TRPM3: variants seen among roughly 807,000 people sequenced by gnomAD.
The protein encoded by TRPM3 is transient receptor potential cation channel subfamily M member 3, also known as long transient receptor potential channel 3.
TRPM3 carries 77 observed loss-of-function variants against 181.2 expected under a neutral mutation model. The ratio of observed to expected loss-of-function variants is 0.42; its 90% CI spans 0.35 to 0.51. TRPM3 has a LOEUF of 0.51. Among genes scored for constraint, TRPM3 ranks in the 20% least tolerant of loss-of-function variants. The pLI is 0.01. For missense variants in TRPM3, 1,759 were observed against 2,196.7 expected, an observed-to-expected ratio of 0.80 and a Z score of 3.98; for synonymous variants, 745 against 796.4, an observed-to-expected ratio of 0.94 and a Z score of 1.09.
At chr9:71,167,699 G>A (rs1399551310) in intron 1 of TRPM3, among the ~76,000 whole-genome samples, 1 of 152,098 alleles carries the variant, frequency 6.6e-6, no homozygotes, top group African/African-American at 2.4e-5. Context: ...CCTTGCACAA[G>A]CTGATGAGAG....
intron 1 of TRPM3, among the ~76,000 whole-genome samples, chr9:70,980,631 G>T (rs4442205): frequency 0.67 from 102,069 of 151,954 alleles, 34,471 homozygotes; most frequent in South Asian, 0.73. Flanking sequence ...TCATTCTTCT[G>T]TACTCCTCCT....
At chr9:71,179,299 C>T (rs919242928) in intron 1 of TRPM3, among the ~76,000 whole-genome samples, 6 of 151,972 alleles carry the variant, frequency 3.9e-5, no homozygotes, top group South Asian at 2.1e-4. Flanking sequence ...ATTATTAAAA[C>T]GGGCAGGGAA....
intron 1 of TRPM3, among the ~76,000 whole-genome samples, chr9:70,972,022 C>T (rs1280120186): frequency 3.3e-5 from 5 of 152,180 alleles, no homozygotes; most frequent in Non-Finnish European, 7.4e-5. Context: ...CTTTGGAGAA[C>T]AGTCTAGCAG....
chr9:70,975,150 G>C (rs903522656), intron 1 of TRPM3, among the ~76,000 whole-genome samples: 7 of 152,054 alleles, frequency 4.6e-5, no homozygotes, highest in African/African-American at 1.4e-4. Flanking sequence ...TTTTAGGTGT[G>C]AGCCACCGCA....
At position 71,254,387 on chromosome 9, in the gene TRPM3, T is replaced by C. The variant is rs761767154; in HGVS notation, c.183+192266A>G. 1.9e-4 allele frequency among the ~76,000 whole-genome samples: 29 copies of C among 152,208 alleles called. 1 individual carries two copies. The highest frequency in any genetic ancestry group is 1.3e-4 in the Non-Finnish European group (9 of 68,028). ...TGGTCAAAGAATATAAAATTTCATTTAGACAGGAGATATAAGTTCAGGAAA... is the reference window on the plus strand; with the variant it reads ...TGGTCAAAGAATATAAAATTTCATTCAGACAGGAGATATAAGTTCAGGAAA... On this transcript the variant is annotated intron_variant, in intron 1 of 24. Coordinates refer to the TRPM3 transcript ENST00000357533.
At chr9:71,202,507 T>A (rs530779220) in intron 1 of TRPM3, among the ~76,000 whole-genome samples, 7 of 152,206 alleles carry the variant, frequency 4.6e-5, no homozygotes, top group Non-Finnish European at 7.3e-5. Flanking sequence ...GGCATGGACT[T>A]CATAGGCAGA....
chr9:71,389,432 T>C (rs915362581), intron 1 of TRPM3, among the ~76,000 whole-genome samples: 1 of 152,058 alleles, frequency 6.6e-6, no homozygotes, highest in Non-Finnish European at 1.5e-5. Flanking sequence ...GGAGATTCCC[T>C]AAAGAACTAA....
intron 5 of TRPM3, among the ~76,000 whole-genome samples, chr9:70,835,387 G>A (rs902769107): frequency 6.6e-6 from 1 of 151,560 alleles, no homozygotes; most frequent in African/African-American, 2.4e-5. Flanking sequence ...GCTTCTTTAA[G>A]GCTTCGAAAT....
chr9:71,257,643 ATAC>A (rs1452891871), intron 1 of TRPM3, among the ~76,000 whole-genome samples: 9 of 152,210 alleles, frequency 5.9e-5, no homozygotes, highest in African/African-American at 2.2e-4. Flanking sequence ...GAATTGATTT[ATAC>A]TACGAGAAAT....
intron 1 of TRPM3, among the ~76,000 whole-genome samples, chr9:71,052,029 CA>C (rs1332250575): frequency 6.6e-6 from 1 of 152,020 alleles, no homozygotes; most frequent in East Asian, 1.9e-4. Context: ...ATCTGCACTT[CA>C]TATTAGAGAA....
chr9:71,402,281 G>C (rs2093355580), intron 1 of TRPM3, among the ~76,000 whole-genome samples: 1 of 152,126 alleles, frequency 6.6e-6, no homozygotes, highest in Non-Finnish European at 1.5e-5. Context: ...CTCTTTAGTA[G>C]TCAACGAAGA....
At chr9:71,087,956 G>A (rs905102134) in intron 1 of TRPM3, among the ~76,000 whole-genome samples, 3 of 152,052 alleles carry the variant, frequency 2.0e-5, no homozygotes, top group Non-Finnish European at 4.4e-5. Flanking sequence ...TTGATAGGAA[G>A]AAATTGCATC....
At chr9:70,965,872 A>G (rs570062958) in intron 1 of TRPM3, among the ~76,000 whole-genome samples, 12 of 152,176 alleles carry the variant, frequency 7.9e-5, no homozygotes, top group Non-Finnish European at 1.3e-4. Context: ...AATGGCAACA[A>G]AAGCAAAAAT....
intron 5 of TRPM3, among the ~76,000 whole-genome samples, chr9:70,831,035 A>C (rs1038214350): frequency 8.5e-5 from 13 of 152,226 alleles, no homozygotes; most frequent in African/African-American, 3.1e-4. Context: ...CAAAATATGC[A>C]AAGTGCTTTT....
intron 21 of TRPM3, among the ~76,000 whole-genome samples, chr9:70,597,556 T>C (rs1045220694): frequency 1.8e-4 from 27 of 152,100 alleles, no homozygotes; most frequent in African/African-American, 6.5e-4. Context: ...AGGGAGCTTG[T>C]TTACTGATGC....
At chr9:71,133,818 A>G (rs901772438) in intron 1 of TRPM3, among the ~76,000 whole-genome samples, 2 of 152,180 alleles carry the variant, frequency 1.3e-5, no homozygotes, top group Admixed American at 6.5e-5. Context: ...TGTTATGCTG[A>G]AGAAAGGTCA....
intron 8 of TRPM3, among the ~76,000 whole-genome samples, chr9:70,737,520 C>T (rs1365903848): frequency 2.6e-5 from 2 of 77,344 alleles, no homozygotes; most frequent in East Asian, 3.4e-4. Context: ...ATAATAGTAC[C>T]TCACATCTCA....
At chr9:70,846,312 G>T in intron 4 of TRPM3, 66 bp downstream of exon 4, 1 of 1,479,622 alleles carries the variant, frequency 6.8e-7, no homozygotes, top group South Asian at 1.1e-5. Flanking sequence ...AATCTTAGCA[G>T]AAAATTACAT....
At chr9:71,094,652 T>C (rs1361252244) in intron 1 of TRPM3, among the ~76,000 whole-genome samples, 2 of 152,154 alleles carry the variant, frequency 1.3e-5, no homozygotes, top group Non-Finnish European at 2.9e-5. Context: ...AATTTTCTTA[T>C]AGGGAAAGAG....
Sources: allele counts gnomAD v4.1 joint callset (sites outside exome capture counted in the v4.1 genomes callset), GRCh38; gene constraint gnomAD v4.1.1; transcripts MANE v1.5; gene names NCBI Gene and HGNC (gene_info 2026-07-23, HGNC 2026-07-21).